The following IL12RB2 variants were observed in gnomAD, a reference collection of about 807,000 sequenced individuals.
IL12RB2 encodes interleukin-12 receptor subunit beta-2.
In IL12RB2, 82 loss-of-function variants were observed where a neutral mutation model predicts 89.4. The ratio of observed to expected loss-of-function variants is 0.92; its 90% CI spans 0.77 to 1.10. The LOEUF (loss-of-function observed/expected upper bound fraction) is 1.10. Ranked by LOEUF, IL12RB2 falls within the 50% of genes least tolerant of loss-of-function variation. The pLI is 0.00. For missense variants in IL12RB2, 963 were observed against 1,031.9 expected (o/e 0.93, Z 0.92); for synonymous variants, 368 against 370.1 (o/e 0.99, Z 0.07).
chr1:67,348,766 T>C (rs1660508587), intron 9 of IL12RB2, among the ~76,000 whole-genome samples: 1 of 152,332 alleles, frequency 6.6e-6, no homozygotes, highest in South Asian at 2.1e-4. Flanking sequence ...ATTGAAGTTT[T>C]TGTTCCATCG....
intron 14 of IL12RB2, among the ~76,000 whole-genome samples, chr1:67,385,702 T>C (rs1665059231): frequency 2.0e-5 from 3 of 152,234 alleles, no homozygotes; most frequent in Non-Finnish European, 2.9e-5. Flanking sequence ...GTTCTTTTCA[T>C]AGGAAAGAAT....
intron 13 of IL12RB2, among the ~76,000 whole-genome samples, chr1:67,378,776 G>A (rs958716886): frequency 2.0e-4 from 30 of 150,122 alleles, no homozygotes; most frequent in African/African-American, 7.3e-4. Flanking sequence ...CTTGAATTCG[G>A]GAGGCGGAGG....
chr1:67,372,399 T>C (rs1435139082), intron 11 of IL12RB2, 37 bp from the exon 12 acceptor site: 1 of 1,089,378 alleles, frequency 9.2e-7, no homozygotes, highest in Non-Finnish European at 1.4e-6. Context: ...TCACCAGTAA[T>C]GGCACGGCTG....
chr1:67,390,104 C>A lies in IL12RB2; in HGVS notation c.2022C>A (p.Cys674Ter). Residue 674 changes from cysteine (C) to a stop codon, truncating the protein, a stop_gained, in exon 16 of 17, where the codon TGC becomes TGA. Coordinates refer to ENST00000674203, the MANE Select transcript of IL12RB2 (RefSeq NM_001374259.2). LOFTEE classifies it low-confidence loss of function (END_TRUNC). ...TTCCAGATCCAGCAAATAGCACTTG[C>A]GCTAAGAAATATCCCATTGCAGAGG... Reference protein sequence around the residue: ...REIPDPANSTCAKKYPIAEEK... With the variant: ...REIPDPANST The A allele has an allele frequency of 2.3e-6, 3 of 1,300,646 alleles. No individual in the cohort carries two copies. Among genetic ancestry groups the A allele is most frequent in the Non-Finnish European group, 3.4e-6 (3 of 893,382 alleles). 80.6% of individuals were successfully genotyped at this position (1,300,646 alleles called of 1,614,324 possible).
chr1:67,390,231 G>A, intron 16 of IL12RB2, 103 bp downstream of exon 16: 2 of 735,118 alleles, frequency 2.7e-6, no homozygotes, highest in Non-Finnish European at 4.9e-6. Context: ...GAGATCCTAT[G>A]GTTGAGCTTA....
intron 5 of IL12RB2, among the ~76,000 whole-genome samples, chr1:67,327,614 AT>A (rs1657507727): frequency 6.6e-6 from 1 of 152,192 alleles, no homozygotes. Context: ...CTAAGAGTCC[AT>A]GAGAAGAGAG....
chr1:67,371,946 C>G (rs535218090), intron 11 of IL12RB2, among the ~76,000 whole-genome samples: 1 of 152,178 alleles, frequency 6.6e-6, no homozygotes, highest in East Asian at 1.9e-4. Context: ...TATTCAGGTT[C>G]TATGCCTGCA....
chr1:67,320,497 A>G, intron 3 of IL12RB2, 53 bp downstream of exon 3: 1 of 1,611,070 alleles, frequency 6.2e-7, no homozygotes. Context: ...TTAAATTCTC[A>G]GTTACAGATG....
At chr1:67,316,639 C>T (rs527547122) in intron 2 of IL12RB2, among the ~76,000 whole-genome samples, 2 of 152,260 alleles carry the variant, frequency 1.3e-5, no homozygotes, top group East Asian at 1.9e-4. Flanking sequence ...ACCATTCTCC[C>T]TGCAGTCACT....
At chr1:67,347,793 A>C (rs1360779852) in intron 9 of IL12RB2, among the ~76,000 whole-genome samples, 1 of 152,198 alleles carries the variant, frequency 6.6e-6, no homozygotes, top group African/African-American at 2.4e-5. Flanking sequence ...CAGAGAAGGA[A>C]AAAGAGGTGG....
At chr1:67,351,185 G>C (rs577756374) in intron 10 of IL12RB2, 96 bp downstream of exon 10, 1 of 1,555,018 alleles carries the variant, frequency 6.4e-7, no homozygotes, top group South Asian at 1.2e-5. Context: ...AAAATGAGTA[G>C]CTAGGAGTTC....
intron 13 of IL12RB2, among the ~76,000 whole-genome samples, chr1:67,373,541 C>T (rs989071468): frequency 2.0e-5 from 3 of 152,184 alleles, no homozygotes; most frequent in Non-Finnish European, 2.9e-5. Flanking sequence ...TTAAGTAACC[C>T]TTTATGGCCC....
In IL12RB2 at chr1:67,330,725, A is replaced by G; in HGVS notation, c.873A>G (p.Glu291=). The part of the protein sequence containing the change: ...LLDLKPFTEY[E]FQISSKLHLY... Reference sequence around the variant, plus strand: ...ATCTGAAACCATTTACAGAATATGAATTTCAGATTTCCTCTAAGCTACATC... The same window carrying G: ...ATCTGAAACCATTTACAGAATATGAGTTTCAGATTTCCTCTAAGCTACATC... Residue 291 remains glutamate (E), a synonymous_variant, in exon 8 of 17, where the codon GAA becomes GAG. Coordinates refer to ENST00000674203, the MANE Select transcript of IL12RB2 (RefSeq NM_001374259.2). 2 of 1,525,166 alleles carry G rather than the reference A, an allele frequency of 1.3e-6. No homozygotes were observed. The highest frequency in any genetic ancestry group is 1.7e-5 in the Admixed American group (1 of 59,908). The allele number at this position is 1,525,166 out of a possible 1,614,324, so 94.5% of individuals were successfully genotyped here. A position where few individuals can be genotyped will look rare whatever the true frequency, so the allele number is the denominator to read the frequency against.
chr1:67,383,401 A>G (rs1664809008), intron 14 of IL12RB2, among the ~76,000 whole-genome samples: 1 of 151,966 alleles, frequency 6.6e-6, no homozygotes, highest in African/African-American at 2.4e-5. Flanking sequence ...CCCCTCCCAA[A>G]CCTCATGTCC....
At chr1:67,386,872 T>TTTTATATATATATATA (rs1473033781) in intron 15 of IL12RB2, among the ~76,000 whole-genome samples, 15 of 48,430 alleles carry the variant, frequency 3.1e-4, no homozygotes, top group Non-Finnish European at 6.7e-4. Flanking sequence ...GAAATGTATT[T>TTTTATATATATATATA]TATATATATA....
intron 11 of IL12RB2, among the ~76,000 whole-genome samples, chr1:67,368,417 T>G (rs1238748326): frequency 6.6e-6 from 1 of 152,176 alleles, no homozygotes; most frequent in East Asian, 1.9e-4. Context: ...TAATAACTCT[T>G]AAAGCAATCA....
At chr1:67,379,095 G>A (rs545928148) in intron 13 of IL12RB2, among the ~76,000 whole-genome samples, 1 of 151,504 alleles carries the variant, frequency 6.6e-6, no homozygotes, top group East Asian at 2.0e-4. Context: ...TACTTGGGAG[G>A]CTGAGGCAGG....
intron 14 of IL12RB2, among the ~76,000 whole-genome samples, chr1:67,385,373 G>A (rs556179966): frequency 6.6e-6 from 1 of 152,320 alleles, no homozygotes; most frequent in South Asian, 2.1e-4. Context: ...CATGAGAAGA[G>A]TAGCATGGGG....
chr1:67,389,048 A>T (rs1665528257), intron 15 of IL12RB2, among the ~76,000 whole-genome samples: 1 of 144,070 alleles, frequency 6.9e-6, no homozygotes. Context: ...AAACTGCCTT[A>T]AAAAAAAAAA....
Sources: allele counts gnomAD v4.1 joint callset (sites outside exome capture counted in the v4.1 genomes callset), GRCh38; gene constraint gnomAD v4.1.1; transcripts MANE v1.5; gene names NCBI Gene and HGNC (gene_info 2026-07-23, HGNC 2026-07-21).